Variants in KCNK2 observed in about 807,000 individuals in gnomAD.
The protein encoded by KCNK2 is potassium channel subfamily K member 2.
Under a neutral mutation model 40.5 loss-of-function variants are expected in KCNK2, and 21 were observed. The observed-to-expected ratio is 0.52, with a 90% CI of 0.37 to 0.75. KCNK2 has a LOEUF of 0.75. Ranked by LOEUF, KCNK2 falls within the 30% of genes least tolerant of loss-of-function variation. The probability of loss-of-function intolerance (pLI) is 0.00; values close to 1 mark genes in which losing one functional copy is unlikely to be tolerated. For missense variants in KCNK2, 399 were observed against 531.6 expected (o/e 0.75, Z 2.45); for synonymous variants, 191 against 202.2 (o/e 0.94, Z 0.47).
chr1:215,157,495 A>G lies in KCNK2; in HGVS notation c.476-11704A>G, dbSNP rs542634675. Among the ~76,000 whole-genome samples the G allele has an allele frequency of 5.3e-4, 81 of 152,358 alleles. 1 individual carries two copies. The highest frequency in any genetic ancestry group is 1.2e-3 in the South Asian group (6 of 4,832). On this transcript the variant is annotated intron_variant, in intron 3 of 6. Coordinates refer to ENST00000444842, the MANE Select transcript of KCNK2 (RefSeq NM_001017425.3). ...CTATTCCTCAAGCTCTTTGGAAGCC[A>G]GAATGACTGCCATTCCTTCCACTCT...
At chr1:215,191,384 T>C (rs1046870361) in intron 5 of KCNK2, among the ~76,000 whole-genome samples, 3 of 152,112 alleles carry the variant, frequency 2.0e-5, no homozygotes, top group African/African-American at 7.2e-5. Context: ...GAATAGGGCT[T>C]TCTTAATGCT....
Position 215,024,810 on chromosome 1 carries a change from C to T in KCNK2, c.34+18855C>T, listed in dbSNP as rs113357470. Among the ~76,000 whole-genome samples, 1,248 of 152,172 alleles carry T rather than the reference C, an allele frequency of 8.2e-3. 18 individuals are homozygous for T. The highest frequency in any genetic ancestry group is 0.028 in the African/African-American group (1,175 of 41,514). On this transcript the variant is annotated intron_variant, in intron 1 of 6. Coordinates refer to the KCNK2 transcript ENST00000391895. ...GGTATATAAAACCAAAACCAATTGC[C>T]CCACTCTTGTCTTTATATCCATCTC...
At chr1:215,019,933 A>T (rs55651080) in intron 1 of KCNK2, among the ~76,000 whole-genome samples, 1,541 of 142,116 alleles carry the variant, frequency 0.011, 26 homozygotes, top group South Asian at 0.076. Flanking sequence ...TAGAGGGTAC[A>T]TGAGCAGAGG....
chr1:215,162,433 C>T (rs938628141), intron 3 of KCNK2, among the ~76,000 whole-genome samples: 1 of 152,094 alleles, frequency 6.6e-6, no homozygotes, highest in Non-Finnish European at 1.5e-5. Context: ...AATTAAATCC[C>T]GTTTGTCAAT....
intron 2 of KCNK2, among the ~76,000 whole-genome samples, chr1:215,093,771 A>AATATATT (rs1404567154): frequency 1.8e-4 from 3 of 17,088 alleles, no homozygotes; most frequent in African/African-American, 3.8e-4. Flanking sequence ...TATAATATAA[A>AATATATT]ATATATTATA....
At chr1:215,208,736 G>C (rs1006779933) in intron 6 of KCNK2, among the ~76,000 whole-genome samples, 8 of 152,096 alleles carry the variant, frequency 5.3e-5, no homozygotes, top group African/African-American at 1.9e-4. Flanking sequence ...ATTGGAAACT[G>C]TGAGTATAAA....
At chr1:215,101,148 T>G (rs1307921624) in intron 2 of KCNK2, among the ~76,000 whole-genome samples, 2 of 152,042 alleles carry the variant, frequency 1.3e-5, no homozygotes, top group Non-Finnish European at 2.9e-5. Flanking sequence ...ATGCATGGGA[T>G]ATAATCAACA....
chr1:215,194,078 A>C (rs1182968151), intron 5 of KCNK2, among the ~76,000 whole-genome samples: 3 of 152,108 alleles, frequency 2.0e-5, no homozygotes, highest in Non-Finnish European at 4.4e-5. Flanking sequence ...TCTTGGGCTA[A>C]ATTATGAATT....
intron 6 of KCNK2, among the ~76,000 whole-genome samples, chr1:215,214,891 A>G (rs969980954): frequency 9.9e-5 from 15 of 152,224 alleles, no homozygotes; most frequent in African/African-American, 3.6e-4. Flanking sequence ...ATTGTCCCCT[A>G]TTGGAGAAAC....
intron 1 of KCNK2, among the ~76,000 whole-genome samples, chr1:215,060,884 T>G (rs540975705): frequency 1.3e-5 from 2 of 152,288 alleles, no homozygotes; most frequent in South Asian, 4.1e-4. Context: ...GACTATATGA[T>G]TGTGCAACTA....
At chr1:215,101,653 A>G (rs11807547) in intron 2 of KCNK2, among the ~76,000 whole-genome samples, 2,718 of 152,126 alleles carry the variant, frequency 0.018, 85 homozygotes, top group African/African-American at 0.062. Context: ...TAATTGTGCT[A>G]GGCAAATACA....
intron 6 of KCNK2, among the ~76,000 whole-genome samples, chr1:215,208,221 G>A (rs1665401541): frequency 1.3e-5 from 2 of 152,144 alleles, no homozygotes; most frequent in Admixed American, 1.3e-4. Flanking sequence ...CATGGATGGA[G>A]CTGGAGGATA....
chr1:215,131,504 A>G lies in KCNK2; in HGVS notation c.475+6754A>G, dbSNP rs535144219. ...TAATGTATGCAAATTATTAATATAT[A>G]AAATTATATTAATTATAATTATATA... On this transcript the variant is annotated intron_variant, in intron 3 of 6. Transcript: ENST00000444842. 2.0e-3 allele frequency among the ~76,000 whole-genome samples: 289 copies of G among 147,442 alleles called. 2 individuals are homozygous for G. Among genetic ancestry groups the G allele is most frequent in the African/African-American group, 5.3e-3 (216 of 40,782 alleles).
chr1:215,172,291 T>C, intron 5 of KCNK2, 108 bp downstream of exon 5: 1 of 944,698 alleles, frequency 1.1e-6, no homozygotes, highest in South Asian at 1.6e-5. Flanking sequence ...TTTCTAGGGC[T>C]GACATACCCA....
chr1:215,135,760 A>C (rs1199482944), intron 3 of KCNK2, among the ~76,000 whole-genome samples: 1 of 151,984 alleles, frequency 6.6e-6, no homozygotes, highest in South Asian at 2.1e-4. Flanking sequence ...TTTGAGATGG[A>C]GTCTTGCTCT....
At chr1:215,073,494 G>T (rs1571884835) in intron 1 of KCNK2, among the ~76,000 whole-genome samples, 1 of 152,098 alleles carries the variant, frequency 6.6e-6, no homozygotes, top group South Asian at 2.1e-4. Context: ...ACTGAGGTCC[G>T]AAGGATAAAT....
At chr1:215,147,646 A>G (rs924324031) in intron 3 of KCNK2, among the ~76,000 whole-genome samples, 1 of 152,162 alleles carries the variant, frequency 6.6e-6, no homozygotes, top group Non-Finnish European at 1.5e-5. Flanking sequence ...AGCCTGGCCA[A>G]CATGGTGAGA....
intron 6 of KCNK2, among the ~76,000 whole-genome samples, chr1:215,214,989 C>A (rs1052841818): frequency 6.6e-6 from 1 of 152,032 alleles, no homozygotes; most frequent in Non-Finnish European, 1.5e-5. Flanking sequence ...TTTTATCTTC[C>A]GTTATTTGAA....
chr1:215,177,013 T>C (rs1664006051), intron 5 of KCNK2, among the ~76,000 whole-genome samples: 2 of 152,202 alleles, frequency 1.3e-5, no homozygotes, highest in African/African-American at 4.8e-5. Context: ...GTTTCTTAAA[T>C]TTTTAATAAT....
Sources: gnomAD v4.1 joint callset for allele counts (sites outside exome capture counted in the v4.1 genomes callset) on GRCh38, gnomAD v4.1.1 for gene constraint, MANE v1.5 for transcripts, NCBI Gene and HGNC (gene_info 2026-07-23, HGNC 2026-07-21) for gene names.